The following STXBP5 variants were observed in gnomAD, a reference collection of about 807,000 sequenced individuals.
The protein encoded by STXBP5 is syntaxin-binding protein 5.
STXBP5 carries 50 observed loss-of-function variants against 152.4 expected under a neutral mutation model. The observed-to-expected ratio is 0.33, with a 90% CI of 0.26 to 0.42. The LOEUF (loss-of-function observed/expected upper bound fraction) is 0.42. Ranked by LOEUF, STXBP5 falls within the 10% of genes least tolerant of loss-of-function variation. The probability of loss-of-function intolerance (pLI) is 1.00; values close to 1 mark genes in which losing one functional copy is unlikely to be tolerated. For synonymous variants in STXBP5, 492 were observed against 494.7 expected, an observed-to-expected ratio of 0.99 and a Z score of 0.07; for missense variants, 1,167 against 1,388.6, an observed-to-expected ratio of 0.84 and a Z score of 2.54.
At chr6:147,230,339 CT>C (rs1339089937) in intron 2 of STXBP5, among the ~76,000 whole-genome samples, 1 of 151,776 alleles carries the variant, frequency 6.6e-6, no homozygotes, top group Non-Finnish European at 1.5e-5. Flanking sequence ...AGAATTCTAG[CT>C]TTTTGCTTAT....
Position 147,385,908 on chromosome 6 carries a change from A to G in STXBP5, c.*1153A>G, listed in dbSNP as rs1390796051. 1 of 152,106 alleles carries G rather than the reference A, an allele frequency of 6.6e-6. No homozygotes were observed. Among genetic ancestry groups the G allele is most frequent in the Non-Finnish European group, 1.5e-5 (1 of 67,970 alleles). 9.4% of individuals were successfully genotyped at this position (152,106 alleles called of 1,614,324 possible). ...AATTATATAAGAGTTTAGTCTGATG[A>G]CCTACAAAATATTTTGTGTAGAAAT... On this transcript the variant is annotated 3_prime_UTR_variant, in exon 28 of 28. Transcript: ENST00000321680.
chr6:147,376,724 T>TCACTTGAGCCC (rs1480364217), intron 26 of STXBP5, among the ~76,000 whole-genome samples: 1 of 152,008 alleles, frequency 6.6e-6, no homozygotes, highest in African/African-American at 2.4e-5. Flanking sequence ...GGCAGGAGCA[T>TCACTTGAGCCC]CACTTGAGCC....
intron 3 of STXBP5, among the ~76,000 whole-genome samples, chr6:147,236,285 T>A (rs983015699): frequency 1.3e-5 from 2 of 152,166 alleles, no homozygotes; most frequent in African/African-American, 2.4e-5. Flanking sequence ...TGTATAGAAC[T>A]GTATATTAGG....
intron 8 of STXBP5, among the ~76,000 whole-genome samples, chr6:147,285,691 C>A (rs1048200235): frequency 6.6e-6 from 1 of 151,934 alleles, no homozygotes; most frequent in Non-Finnish European, 1.5e-5. Flanking sequence ...TATCAAGGGA[C>A]TATTGAGCAA....
chr6:147,259,041 T>C (rs929702324), intron 4 of STXBP5, among the ~76,000 whole-genome samples: 1 of 152,120 alleles, frequency 6.6e-6, no homozygotes, highest in Non-Finnish European at 1.5e-5. Flanking sequence ...TAAATGATGA[T>C]GGTAGTTATA....
At chr6:147,365,093 C>T (rs937098056) in intron 25 of STXBP5, among the ~76,000 whole-genome samples, 5 of 151,826 alleles carry the variant, frequency 3.3e-5, no homozygotes, top group African/African-American at 1.2e-4. Context: ...GCATAGTGCC[C>T]CTGGTACAGA....
At chr6:147,308,331 T>A (rs558297170) in intron 9 of STXBP5, among the ~76,000 whole-genome samples, 1 of 152,324 alleles carries the variant, frequency 6.6e-6, no homozygotes, top group Admixed American at 6.5e-5. Context: ...ATGGTTCTAT[T>A]TAGGATAACA....
At chr6:147,213,477 T>TGTGCGCGC in intron 2 of STXBP5, among the ~76,000 whole-genome samples, 30 of 131,322 alleles carry the variant, frequency 2.3e-4, no homozygotes, top group African/African-American at 7.7e-4. Context: ...TGTGTGTGTG[T>TGTGCGCGC]GCGCGCGCAT....
At chr6:147,299,653 T>C (rs1432707411) in intron 9 of STXBP5, among the ~76,000 whole-genome samples, 1 of 152,016 alleles carries the variant, frequency 6.6e-6, no homozygotes, top group Non-Finnish European at 1.5e-5. Flanking sequence ...CTATCAACAG[T>C]ACCTCTCTGA....
intron 22 of STXBP5, among the ~76,000 whole-genome samples, chr6:147,357,145 G>C (rs1784851688): frequency 6.6e-6 from 1 of 152,148 alleles, no homozygotes; most frequent in African/African-American, 2.4e-5. Flanking sequence ...TACTCTAAGT[G>C]TCATGGGAGA....
intron 26 of STXBP5, among the ~76,000 whole-genome samples, chr6:147,375,574 A>T (rs1785770098): frequency 6.6e-6 from 1 of 151,636 alleles, no homozygotes; most frequent in Non-Finnish European, 1.5e-5. Flanking sequence ...ATAAGTTTAG[A>T]CTTTCTCAAG....
chr6:147,370,905 G>A (rs1785508406), intron 25 of STXBP5, among the ~76,000 whole-genome samples: 1 of 151,928 alleles, frequency 6.6e-6, no homozygotes, highest in African/African-American at 2.4e-5. Context: ...ATTATTTGAT[G>A]CACTGTAAAG....
chr6:147,299,332 A>C (rs1262162521), intron 9 of STXBP5, among the ~76,000 whole-genome samples: 1 of 151,978 alleles, frequency 6.6e-6, no homozygotes, highest in Non-Finnish European at 1.5e-5. Flanking sequence ...TCAACAGACC[A>C]ATAACAAGCG....
intron 7 of STXBP5, among the ~76,000 whole-genome samples, chr6:147,273,391 G>A (rs901214301): frequency 1.3e-5 from 2 of 151,952 alleles, no homozygotes; most frequent in Non-Finnish European, 1.5e-5. Context: ...TATTCCTTTT[G>A]TAGTAATCAG....
intron 2 of STXBP5, among the ~76,000 whole-genome samples, chr6:147,210,469 T>C (rs1159356999): frequency 2.6e-5 from 4 of 152,222 alleles, no homozygotes. Context: ...TTAGTAGCTG[T>C]TTGGCATTGT....
chr6:147,375,016 C>T (rs961233349), intron 26 of STXBP5, among the ~76,000 whole-genome samples: 10 of 152,076 alleles, frequency 6.6e-5, no homozygotes, highest in Non-Finnish European at 1.5e-4. Flanking sequence ...GTCCCTAGCT[C>T]CTGGCAGAAG....
chr6:147,333,661 G>A (rs994020170), intron 18 of STXBP5, among the ~76,000 whole-genome samples: 2 of 152,182 alleles, frequency 1.3e-5, no homozygotes, highest in African/African-American at 4.8e-5. Flanking sequence ...ATGTTACTTT[G>A]AAAGCTTTCT....
intron 2 of STXBP5, among the ~76,000 whole-genome samples, chr6:147,212,986 ATTAAC>A (rs1562411743): frequency 1.3e-5 from 2 of 152,324 alleles, no homozygotes; most frequent in South Asian, 2.1e-4. Flanking sequence ...ATTAAAATAA[ATTAAC>A]TTAAACAAGA....
rs141627168 is a variant in STXBP5, at chr6:147,388,917, G to T, written c.*4162G>T. 2.0e-5 allele frequency: 3 copies of T among 151,342 alleles called. No individual in the cohort carries two copies. In the South Asian group the frequency reaches 6.2e-4, roughly 31 times the overall value. 9.4% of individuals were successfully genotyped at this position (151,342 alleles called of 1,614,324 possible). A position where few individuals can be genotyped will look rare whatever the true frequency, so the allele number is the denominator to read the frequency against. Reference sequence around the variant, plus strand: ...AGTTTATGTATTTTTGTCAATGAAGGTTTTTATTTTGTAGTTTATAGAATT... The same window carrying T: ...AGTTTATGTATTTTTGTCAATGAAGTTTTTTATTTTGTAGTTTATAGAATT... On this transcript the variant is annotated 3_prime_UTR_variant, in exon 28 of 28. Transcript: ENST00000321680.
Sources: gnomAD v4.1 joint callset for allele counts (sites outside exome capture counted in the v4.1 genomes callset) on GRCh38, gnomAD v4.1.1 for gene constraint, MANE v1.5 for transcripts, NCBI Gene and HGNC (gene_info 2026-07-23, HGNC 2026-07-21) for gene names.